CSGALNACT1: variants seen among roughly 807,000 people sequenced by gnomAD.
CSGALNACT1 encodes beta4GalNAcT-1.
CSGALNACT1 carries 52 observed loss-of-function variants against 51.0 expected under a neutral mutation model. The ratio of observed to expected loss-of-function variants is 1.02; its 90% CI spans 0.82 to 1.29. The LOEUF (loss-of-function observed/expected upper bound fraction) is 1.29, where lower values mean the gene tolerates loss of function less well. Ranked by LOEUF, CSGALNACT1 falls within the 50% of genes most tolerant of loss-of-function variation. CSGALNACT1 has a pLI of 0.00. For synonymous variants in CSGALNACT1, 341 were observed against 254.4 expected (o/e 1.34, Z -3.24); for missense variants, 935 against 679.2 (o/e 1.38, Z -4.19).
intron 1 of CSGALNACT1, among the ~76,000 whole-genome samples, chr8:19,711,480 G>A (rs1040325686): frequency 6.6e-5 from 10 of 152,286 alleles, no homozygotes; most frequent in Admixed American, 5.2e-4. Context: ...TTTCAACAGC[G>A]TGGCGTCTAT....
At chr8:19,411,422 C>T (rs1487730064) in intron 8 of CSGALNACT1, among the ~76,000 whole-genome samples, 2 of 152,224 alleles carry the variant, frequency 1.3e-5, no homozygotes, top group Admixed American at 6.5e-5. Context: ...CAGCACACAG[C>T]AGGTACTCAG....
exon 10 of CSGALNACT1, chr8:19,404,725 C>T (rs2153655251): frequency 2.2e-6 from 1 of 454,424 alleles, no homozygotes; most frequent in South Asian, 1.6e-5. Context: ...TTTATTTAAA[C>T]AGGTAAGAAA....
At chr8:19,543,700 A>G (rs1293753781) in intron 3 of CSGALNACT1, among the ~76,000 whole-genome samples, 3 of 152,216 alleles carry the variant, frequency 2.0e-5, no homozygotes, top group Non-Finnish European at 4.4e-5. Flanking sequence ...ACAGGAAGCT[A>G]TACATGGATT....
chr8:19,577,691 C>T (rs758614270), intron 3 of CSGALNACT1, among the ~76,000 whole-genome samples: 17 of 151,906 alleles, frequency 1.1e-4, no homozygotes, highest in Non-Finnish European at 2.2e-4. Context: ...AGACACACTC[C>T]CATTGGGTTT....
intron 1 of CSGALNACT1, among the ~76,000 whole-genome samples, chr8:19,750,521 G>C (rs138393545): frequency 6.6e-6 from 1 of 152,124 alleles, no homozygotes; most frequent in African/African-American, 2.4e-5. Context: ...CTGGTGGCTC[G>C]GAACCTTACC....
intron 1 of CSGALNACT1, among the ~76,000 whole-genome samples, chr8:19,668,337 C>T (rs1015119609): frequency 2.6e-5 from 3 of 116,018 alleles, no homozygotes; most frequent in Non-Finnish European, 3.7e-5. Context: ...CATACATGCA[C>T]GGTTACACAC....
chr8:19,709,892 C>A (rs2062397913), intron 1 of CSGALNACT1, among the ~76,000 whole-genome samples: 1 of 152,112 alleles, frequency 6.6e-6, no homozygotes, highest in African/African-American at 2.4e-5. Flanking sequence ...GCCTTCCACT[C>A]CTAAAGGCCC....
At position 19,744,277 on chromosome 8, in the gene CSGALNACT1, T is replaced by C. The variant is rs530803647; in HGVS notation, c.-297+13573A>G. 4.6e-5 allele frequency among the ~76,000 whole-genome samples: 7 copies of C among 152,292 alleles called. No individual in the cohort carries two copies. The East Asian group carries it at 1.3e-3, about 29-fold the overall frequency. ...AAATTGCCACTTCAACCACAGAAGC[T>C]CAATGCATTATTTAGTCCTGTCCTC... On this transcript the variant is annotated intron_variant, in intron 1 of 1. Coordinates refer to the CSGALNACT1 transcript ENST00000517494.
chr8:19,445,994 G>A (rs141856482), intron 5 of CSGALNACT1, among the ~76,000 whole-genome samples: 1,839 of 152,226 alleles, frequency 0.012, 32 homozygotes, highest in African/African-American at 0.042. Flanking sequence ...GGCCAACATG[G>A]TGAAACCCCA....
chr8:19,608,301 A>C (rs951238641), intron 1 of CSGALNACT1, among the ~76,000 whole-genome samples: 1 of 152,172 alleles, frequency 6.6e-6, no homozygotes, highest in Non-Finnish European at 1.5e-5. Flanking sequence ...CTTATACACC[A>C]ACACACCTAC....
At chr8:19,417,482 T>C (rs2057114191) in intron 8 of CSGALNACT1, among the ~76,000 whole-genome samples, 1 of 152,140 alleles carries the variant, frequency 6.6e-6, no homozygotes, top group Non-Finnish European at 1.5e-5. Context: ...TTCTAGAAGC[T>C]TACACACAAA....
At chr8:19,752,483 A>T (rs1465885305) in intron 1 of CSGALNACT1, among the ~76,000 whole-genome samples, 1 of 152,198 alleles carries the variant, frequency 6.6e-6, no homozygotes, top group Non-Finnish European at 1.5e-5. Context: ...AATATTTGAG[A>T]AACAGAAGTA....
intron 1 of CSGALNACT1, among the ~76,000 whole-genome samples, chr8:19,713,912 A>C (rs2062655571): frequency 6.6e-6 from 1 of 152,226 alleles, no homozygotes; most frequent in Admixed American, 6.5e-5. Flanking sequence ...GCTGTGGTGA[A>C]AGGAAACCAC....
intron 5 of CSGALNACT1, among the ~76,000 whole-genome samples, chr8:19,445,109 T>C (rs1474446147): frequency 6.6e-6 from 1 of 152,148 alleles, no homozygotes; most frequent in Admixed American, 6.5e-5. Context: ...GATGTAACGA[T>C]ATGTTTTGAA....
intron 4 of CSGALNACT1, among the ~76,000 whole-genome samples, chr8:19,476,263 G>A (rs1256471472): frequency 6.6e-6 from 1 of 152,124 alleles, no homozygotes; most frequent in Non-Finnish European, 1.5e-5. Context: ...TTTTGAGATG[G>A]AGATTCACTC....
chr8:19,489,398 A>C (rs992997082), intron 4 of CSGALNACT1, among the ~76,000 whole-genome samples: 2 of 152,090 alleles, frequency 1.3e-5, no homozygotes, highest in African/African-American at 4.8e-5. Flanking sequence ...AATCAAACAA[A>C]AATTTACTCA....
intron 1 of CSGALNACT1, chr8:19,682,415 A>G (rs2060686373): frequency 3.0e-6 from 1 of 337,976 alleles, no homozygotes; most frequent in South Asian, 2.4e-5. Context: ...GCACTCCCCA[A>G]ACAGAAAGTT....
intron 1 of CSGALNACT1, among the ~76,000 whole-genome samples, chr8:19,687,668 C>T (rs564064208): frequency 6.6e-6 from 1 of 152,212 alleles, no homozygotes; most frequent in Non-Finnish European, 1.5e-5. Context: ...TAAAGACATG[C>T]AGTTCCAGAA....
intron 1 of CSGALNACT1, among the ~76,000 whole-genome samples, chr8:19,745,336 A>G (rs2154251421): frequency 6.6e-6 from 1 of 152,342 alleles, no homozygotes; most frequent in East Asian, 1.9e-4. Flanking sequence ...TTGGGTACAT[A>G]CAATCCCACT....
Sources: allele counts gnomAD v4.1 joint callset (sites outside exome capture counted in the v4.1 genomes callset), GRCh38; gene constraint gnomAD v4.1.1; transcripts MANE v1.5; gene names NCBI Gene and HGNC (gene_info 2026-07-23, HGNC 2026-07-21).